The following RPL13A variants were observed in gnomAD, a reference collection of about 807,000 sequenced individuals.
RPL13A encodes the protein ribosomal protein L13a.
Under a neutral mutation model 30.8 loss-of-function variants are expected in RPL13A, and 4 were observed. That is an observed-to-expected ratio of 0.13 (90% CI 0.06 to 0.30). The LOEUF is 0.30. Ranked by LOEUF, RPL13A falls within the 10% of genes least tolerant of loss-of-function variation. The pLI is 1.00. For synonymous variants in RPL13A, 108 were observed against 104.2 expected, an observed-to-expected ratio of 1.04 and a Z score of -0.22; for missense variants, 196 against 272.6, an observed-to-expected ratio of 0.72 and a Z score of 1.98.
At position 49,491,409 on chromosome 19, in the gene RPL13A, C is replaced by A. The variant is rs746928362; in HGVS notation, c.403-16C>A. 635 of 532,786 alleles carry A rather than the reference C, an allele frequency of 1.2e-3. 23 individuals are homozygous for A. The highest frequency in any genetic ancestry group is 7.6e-3 in the Middle Eastern group (15 of 1,980). The allele number at this position is 532,786 out of a possible 1,614,324, so 33.0% of individuals were successfully genotyped here. On this transcript the variant is annotated splice_polypyrimidine_tract_variant and intron_variant, in intron 6 of 7. Transcript: ENST00000391857. ...TTACAACTTCATTTGTTCACCCCCC[C>A]CCCCCCCCCCCGCAGTTTGCCTATC...
In RPL13A at chr19:49,490,453, TCA is replaced by T. The variant is rs1160087040; in HGVS notation, c.155-18_155-17del. 3 of 1,611,788 alleles carry T rather than the reference TCA, an allele frequency of 1.9e-6. No individual in the cohort carries two copies. The highest frequency in any genetic ancestry group is 1.7e-5 in the Admixed American group (1 of 59,988). On this transcript the variant is annotated intron_variant, in intron 3 of 7. Coordinates refer to ENST00000391857, the MANE Select transcript of RPL13A (RefSeq NM_012423.4). ...GGGGTGCTGGTAGACTGGGCAGGCC[TCA>T]CACTCTCCCCTCTCCCTAGTGAAGT...
intron 1 of RPL13A, among the ~76,000 whole-genome samples, chr19:49,488,807 G>C (rs1476788785): frequency 6.6e-6 from 1 of 152,208 alleles, no homozygotes; most frequent in East Asian, 1.9e-4. Flanking sequence ...CCAAGTTCAA[G>C]TGATTCTCCT....
Position 49,492,279 on chromosome 19 carries a change from G to A in RPL13A, c.*464G>A, listed in dbSNP as rs11669553. The A allele has an allele frequency of 0.059, 9,224 of 156,218 alleles. 384 individuals are homozygous for A. The highest frequency in any genetic ancestry group is 0.083 in the Non-Finnish European group (5,831 of 70,382). 9.7% of individuals were successfully genotyped at this position (156,218 alleles called of 1,614,324 possible). On this transcript the variant is annotated 3_prime_UTR_variant, in exon 8 of 8. Transcript: ENST00000391857. Reference sequence around the variant, plus strand: ...CGCCCATGCTCCTCACCTGTATTTTGTAATCAGAAATAAATTGCTTTTAAA... The same window carrying A: ...CGCCCATGCTCCTCACCTGTATTTTATAATCAGAAATAAATTGCTTTTAAA...
At position 49,490,667 on chromosome 19, in the gene RPL13A, G is replaced by A. The variant is rs752713521; in HGVS notation, c.256+91G>A. ...TCACATTCGAGTTTCCCGACCATGA[G>A]ATGACTCCACATGCACTACCATCTG... On this transcript the variant is annotated intron_variant, in intron 4 of 7. Transcript: ENST00000391857. 7.6e-6 allele frequency: 12 copies of A among 1,574,840 alleles called. No homozygotes were observed. The South Asian group carries it at 1.2e-4, about 16-fold the overall frequency.
chr19:49,490,699 C>A, intron 4 of RPL13A, 80 bp from the exon 5 acceptor site: 6 of 1,581,366 alleles, frequency 3.8e-6, no homozygotes, highest in Non-Finnish European at 5.2e-6. Flanking sequence ...TCTGAGGCCA[C>A]CCCATGGGCC....
rs2079874624 is a variant in RPL13A, at chr19:49,491,823, A to G, written c.*8A>G. 1 of 1,591,654 alleles carries G rather than the reference A, an allele frequency of 6.3e-7. No individual in the cohort carries two copies. The highest frequency in any genetic ancestry group is 2.2e-5 in the East Asian group (1 of 44,752). On this transcript the variant is annotated 3_prime_UTR_variant, in exon 8 of 8. Transcript: ENST00000391857. Reference sequence around the variant, plus strand: ...CACGGACTCCTGGTCTGAGCCCAATAAAGACTGTTAATTCCTCATGCGTTG... The same window carrying G: ...CACGGACTCCTGGTCTGAGCCCAATGAAGACTGTTAATTCCTCATGCGTTG...
rs530456152 is a variant in RPL13A, at chr19:49,490,579, G to C, written c.256+3G>C. ...CATCTTCTGGCGGACCGTGCGAGGT[G>C]AGCAGAGCGTGGGGACTGCAGGTGG... On this transcript the variant is annotated splice_donor_region_variant and intron_variant, in intron 4 of 7. Coordinates refer to ENST00000391857, the MANE Select transcript of RPL13A (RefSeq NM_012423.4). 2.5e-6 allele frequency: 4 copies of C among 1,614,108 alleles called. No homozygotes were observed. The highest frequency in any genetic ancestry group is 1.7e-5 in the Admixed American group (1 of 60,032).
chr19:49,489,975 A>G (rs2079848362), intron 2 of RPL13A, 53 bp downstream of exon 2: 3 of 1,363,060 alleles, frequency 2.2e-6, no homozygotes. Context: ...GAGGTCAGTG[A>G]TGAGCAACAT....
At chr19:49,490,178 C>CA in intron 2 of RPL13A, 54 bp from the exon 3 acceptor site, 1 of 1,526,550 alleles carries the variant, frequency 6.6e-7, no homozygotes. Context: ...ACTGCATAGG[C>CA]AGTGGTGGGA....
chr19:49,491,197 C>G (rs754961044), intron 6 of RPL13A, 98 bp downstream of exon 6: 1 of 1,406,896 alleles, frequency 7.1e-7, no homozygotes, highest in Non-Finnish European at 1.0e-6. Context: ...CCTTATCTCA[C>G]GATGGTCTGC....
Position 49,490,207 on chromosome 19 carries a change from C to G in RPL13A, c.89-25C>G, listed in dbSNP as rs191711695. ...GGTGGGACCCTCAGGCGGCTCGGCCCTGCTAAGCCTTTCCCTCCCTCTAGG... is the reference window on the plus strand; with the variant it reads ...GGTGGGACCCTCAGGCGGCTCGGCCGTGCTAAGCCTTTCCCTCCCTCTAGG... On this transcript the variant is annotated intron_variant, in intron 2 of 7. Transcript: ENST00000391857. 131 of 1,613,242 alleles carry G rather than the reference C, an allele frequency of 8.1e-5. No individual in the cohort carries two copies. In the African/African-American group the frequency reaches 1.6e-3, roughly 20 times the overall value.
intron 4 of RPL13A, 51 bp from the exon 5 acceptor site, chr19:49,490,728 G>A (rs768615386): frequency 6.2e-7 from 1 of 1,605,868 alleles, no homozygotes; most frequent in Non-Finnish European, 8.5e-7. Context: ...TGGGGTGGGT[G>A]GGCATCCTTA....
intron 4 of RPL13A, 44 bp downstream of exon 4, chr19:49,490,620 C>T (rs1257418332): frequency 1.5e-5 from 24 of 1,599,368 alleles, no homozygotes; most frequent in Admixed American, 1.0e-4. Context: ...GGCAGGCGGC[C>T]GGTGATGAGA....
Position 49,492,037 on chromosome 19 carries a change from A to G in RPL13A, c.*222A>G. 2 of 523,400 alleles carry G rather than the reference A, an allele frequency of 3.8e-6. No individual in the cohort carries two copies. 32.4% of individuals were successfully genotyped at this position (523,400 alleles called of 1,614,324 possible). A position where few individuals can be genotyped will look rare whatever the true frequency, so the allele number is the denominator to read the frequency against. On this transcript the variant is annotated 3_prime_UTR_variant, in exon 8 of 8. Transcript: ENST00000391857. Reference sequence around the variant, plus strand: ...TCATTTATCTATGACCAATAGGAAGAGCAACCAGTTACTATGAGTGAAAGG... The same window carrying G: ...TCATTTATCTATGACCAATAGGAAGGGCAACCAGTTACTATGAGTGAAAGG...
Position 49,490,457 on chromosome 19 carries a change from ACT to A in RPL13A, c.155-14_155-13del, listed in dbSNP as rs1329363234. ...TGCTGGTAGACTGGGCAGGCCTCAC[ACT>A]CTCCCCTCTCCCTAGTGAAGTACCT... On this transcript the variant is annotated splice_polypyrimidine_tract_variant and intron_variant, in intron 3 of 7. Transcript: ENST00000391857. 1.9e-6 allele frequency: 3 copies of A among 1,612,148 alleles called. No individual in the cohort carries two copies. Among genetic ancestry groups the A allele is most frequent in the Non-Finnish European group, 2.5e-6 (3 of 1,178,958 alleles).
rs1327400587 is a variant in RPL13A at position 49,491,451 on chromosome 19, C to T, written c.429C>T (p.His143=). 20 of 1,243,026 alleles carry T rather than the reference C, an allele frequency of 1.6e-5. No individual in the cohort carries two copies. Among genetic ancestry groups the T allele is most frequent in the African/African-American group, 3.2e-5 (2 of 61,852 alleles). The allele number at this position is 1,243,026 out of a possible 1,614,324, so 77.0% of individuals were successfully genotyped here. The stretch of plus-strand genomic sequence containing the variant: ...TTGCCTATCTGGGGCGCCTGGCTCA[C>T]GAGGTTGGCTGGAAGTACCAGGCAG... ...RKFAYLGRLA[H]EVGWKYQAVT... The change falls in exon 7 of 8, where the codon CAC becomes CAT. Residue 143 remains histidine (H), a synonymous_variant. Transcript: ENST00000391857.
At chr19:49,491,400 T>TCGGGGGGG in intron 6 of RPL13A, 25 bp from the exon 7 acceptor site, 1 of 976,862 alleles carries the variant, frequency 1.0e-6, no homozygotes, top group Non-Finnish European at 1.4e-6. Flanking sequence ...CTTCATTTGT[T>TCGGGGGGG]CACCCCCCCC....
chr19:49,490,710 C>T, intron 4 of RPL13A, 69 bp from the exon 5 acceptor site: 3 of 1,586,994 alleles, frequency 1.9e-6, no homozygotes, highest in Non-Finnish European at 2.6e-6. Flanking sequence ...CCCATGGGCC[C>T]ACCTCAGTGG....
chr19:49,489,076 T>C (rs1056149182), intron 1 of RPL13A, among the ~76,000 whole-genome samples: 1 of 152,254 alleles, frequency 6.6e-6, no homozygotes, highest in Admixed American at 6.5e-5. Context: ...GAGTGCTCTA[T>C]AGCAGAGCTA....
Sources: allele counts gnomAD v4.1 joint callset (sites outside exome capture counted in the v4.1 genomes callset), GRCh38; gene constraint gnomAD v4.1.1; transcripts MANE v1.5; gene names NCBI Gene and HGNC (gene_info 2026-07-23, HGNC 2026-07-21).